Variants in SIGLEC6 observed in about 807,000 individuals in gnomAD.
SIGLEC6 encodes the protein sialic acid-binding Ig-like lectin 6.
Under a neutral mutation model 41.4 loss-of-function variants are expected in SIGLEC6, and 31 were observed. The observed-to-expected ratio is 0.75, with a 90% confidence interval of 0.56 to 1.01. SIGLEC6 has a LOEUF of 1.01. Among genes scored for constraint, SIGLEC6 ranks in the 50% least tolerant of loss-of-function variants. SIGLEC6 has a pLI of 0.00. For missense variants in SIGLEC6, 555 were observed against 558.6 expected, an observed-to-expected ratio of 0.99 and a Z score of 0.06; for synonymous variants, 217 against 231.0, an observed-to-expected ratio of 0.94 and a Z score of 0.55.
intron 7 of SIGLEC6, among the ~76,000 whole-genome samples, chr19:51,526,677 A>G (rs1979282753): frequency 6.6e-6 from 1 of 152,226 alleles, no homozygotes; most frequent in South Asian, 2.1e-4. Flanking sequence ...GTTCCCCAGC[A>G]AAAGTTCTTA....
At chr19:51,525,174 C>G (rs550312832) in intron 7 of SIGLEC6, among the ~76,000 whole-genome samples, 16 of 152,270 alleles carry the variant, frequency 1.1e-4, no homozygotes, top group African/African-American at 3.6e-4. Flanking sequence ...GATTGCATAC[C>G]TCACCTCTGC....
intron 7 of SIGLEC6, among the ~76,000 whole-genome samples, chr19:51,527,525 G>C (rs1476277798): frequency 6.6e-6 from 1 of 152,094 alleles, no homozygotes; most frequent in Admixed American, 6.5e-5. Flanking sequence ...ATTAACTGGA[G>C]TACGTATTTC....
intron 7 of SIGLEC6, among the ~76,000 whole-genome samples, chr19:51,523,009 G>A (rs1184028663): frequency 6.6e-6 from 1 of 152,030 alleles, no homozygotes; most frequent in African/African-American, 2.4e-5. Flanking sequence ...GCGCAGTGGT[G>A]CATGCCTGTA....
chr19:51,524,173 ACTCCAATTAAAAG>A (rs1300080363), intron 7 of SIGLEC6, among the ~76,000 whole-genome samples: 1 of 152,224 alleles, frequency 6.6e-6, no homozygotes, highest in African/African-American at 2.4e-5. Context: ...TGGTCTAAAC[ACTCCAATTAAAAG>A]GAAGATATTG....
chr19:51,523,704 G>C (rs1978689326), intron 7 of SIGLEC6, among the ~76,000 whole-genome samples: 1 of 152,156 alleles, frequency 6.6e-6, no homozygotes, highest in Non-Finnish European at 1.5e-5. Context: ...CTTCCGTTAG[G>C]ACTCAAGAAG....
intron 5 of SIGLEC6, chr19:51,529,406 C>T (rs1018621717): frequency 2.5e-5 from 10 of 399,436 alleles, no homozygotes; most frequent in African/African-American, 4.1e-5. Flanking sequence ...TGTTCTGGGC[C>T]TCAAAGCTGA....
In SIGLEC6 at chr19:51,530,859, C is replaced by G; in HGVS notation, c.528G>C (p.Thr176=). ...CTGACATCCAGGAGAAGATGGGGGG[C>G]GTCCCCTGCTCACAGACCCAGGGCA... ...CSVPWVCEQG[T]PPIFSWMSAA... Residue 176 remains threonine, a synonymous_variant, in exon 3 of 8, where the codon ACG becomes ACC. Transcript: ENST00000425629. The G allele has an allele frequency of 6.2e-7, 1 of 1,613,876 alleles. No individual in the cohort carries two copies. Among genetic ancestry groups the G allele is most frequent in the Non-Finnish European group, 8.5e-7 (1 of 1,179,984 alleles).
intron 5 of SIGLEC6, chr19:51,528,593 T>C (rs1404237201): frequency 8.4e-6 from 3 of 355,094 alleles, no homozygotes; most frequent in Non-Finnish European, 1.6e-5. Flanking sequence ...CATGACCTGA[T>C]TTGGAGAAGG....
Position 51,528,232 on chromosome 19 carries a change from C to G in SIGLEC6, c.1034G>C (p.Gly345Ala). 2 of 1,614,098 alleles carry G rather than the reference C, an allele frequency of 1.2e-6. No individual in the cohort carries two copies. Among genetic ancestry groups the G allele is most frequent in the Non-Finnish European group, 1.7e-6 (2 of 1,179,966 alleles). The change falls in exon 6 of 8, where the codon GGT becomes GCT. Residue 345 changes from glycine (G) to alanine (A), a missense_variant. Coordinates refer to ENST00000425629, the MANE Select transcript of SIGLEC6 (RefSeq NM_001245.7). The stretch of plus-strand genomic sequence containing the variant: ...TCCCCAGACTGCTCCCAGGACACCA[C>G]CAGCCCTGCCTTCTGGTTTCCCTAT... ...FVHWKPEGRAGGVLGAVWGAS... is the reference protein window; with the variant it reads ...FVHWKPEGRAAGVLGAVWGAS...
chr19:51,531,084 C>T (rs895437640), intron 2 of SIGLEC6, 76 bp downstream of exon 2: 15 of 1,550,992 alleles, frequency 9.7e-6, no homozygotes, highest in African/African-American at 2.8e-5. Context: ...CCTCCCAAGA[C>T]GGGGCTCCCG....
intron 7 of SIGLEC6, among the ~76,000 whole-genome samples, chr19:51,524,555 C>G (rs1435467342): frequency 6.6e-6 from 1 of 152,132 alleles, no homozygotes; most frequent in Non-Finnish European, 1.5e-5. Context: ...ATAACTTGAC[C>G]TGATTGACAT....
Position 51,520,034 on chromosome 19 carries a change from A to G in SIGLEC6, c.*48T>C. Reference sequence around the variant, plus strand: ...GGCAGCCCTAGTAACCAATACACTGAGAGGTACCATGTTCTCTCCAATCAA... The same window carrying G: ...GGCAGCCCTAGTAACCAATACACTGGGAGGTACCATGTTCTCTCCAATCAA... On this transcript the variant is annotated 3_prime_UTR_variant, in exon 8 of 8. Coordinates refer to ENST00000425629, the MANE Select transcript of SIGLEC6 (RefSeq NM_001245.7). The G allele has an allele frequency of 6.8e-7, 1 of 1,466,948 alleles. No homozygotes were observed. The allele number at this position is 1,466,948 out of a possible 1,614,324, so 90.9% of individuals were successfully genotyped here. A position where few individuals can be genotyped will look rare whatever the true frequency, so the allele number is the denominator to read the frequency against.
intron 7 of SIGLEC6, among the ~76,000 whole-genome samples, chr19:51,523,361 C>T (rs1978622048): frequency 6.6e-6 from 1 of 152,104 alleles, no homozygotes; most frequent in Admixed American, 6.6e-5. Flanking sequence ...CATTCTGACA[C>T]AGGTGCAACT....
At position 51,530,323 on chromosome 19, in the gene SIGLEC6, T is replaced by C. The variant is rs1001896938; in HGVS notation, c.754+114A>G. 5.2e-6 allele frequency: 5 copies of C among 964,362 alleles called. No homozygotes were observed. The Admixed American group carries it at 9.9e-5, about 19-fold the overall frequency. 59.7% of individuals were successfully genotyped at this position (964,362 alleles called of 1,614,324 possible). Reference sequence around the variant, plus strand: ...AGGCTGGGGGTGAGCAAAGATTCAGTCCAGGTCTTTGAAGTCTATGGAGGC... The same window carrying C: ...AGGCTGGGGGTGAGCAAAGATTCAGCCCAGGTCTTTGAAGTCTATGGAGGC... On this transcript the variant is annotated intron_variant, in intron 4 of 7. Coordinates refer to ENST00000425629, the MANE Select transcript of SIGLEC6 (RefSeq NM_001245.7).
At chr19:51,529,345 C>T (rs2122441157) in intron 5 of SIGLEC6, 1 of 240,270 alleles carries the variant, frequency 4.2e-6, no homozygotes, top group Non-Finnish European at 8.2e-6. Context: ...CAATTGTCAC[C>T]TCTTAGCAGA....
rs4802800 is a variant in SIGLEC6 at position 51,517,993 on chromosome 19, C to G, written c.*2089G>C. Reference sequence around the variant, plus strand: ...CCTCTACAAACCATCATTTTTACAACAAGTATTTGTTTCATTTTGCTCACA... The same window carrying G: ...CCTCTACAAACCATCATTTTTACAAGAAGTATTTGTTTCATTTTGCTCACA... On this transcript the variant is annotated 3_prime_UTR_variant, in exon 8 of 8. Transcript: ENST00000425629. Among the ~76,000 whole-genome samples, 88,281 of 151,444 alleles carry G rather than the reference C, an allele frequency of 0.58. 25,976 individuals carry two copies. Among genetic ancestry groups the G allele is most frequent in the Admixed American group, 0.65 (9,973 of 15,228 alleles).
chr19:51,525,286 C>T (rs572268881), intron 7 of SIGLEC6, among the ~76,000 whole-genome samples: 18 of 152,152 alleles, frequency 1.2e-4, no homozygotes, highest in Non-Finnish European at 2.4e-4. Flanking sequence ...TTCTCTGGGA[C>T]AGGGCTCCCA....
Position 51,531,359 on chromosome 19 carries a change from CA to C in SIGLEC6, c.227del (p.Val76GlyfsTer31). On this transcript the variant is annotated frameshift_variant, in exon 2 of 8. Transcript: ENST00000425629. LOFTEE classifies it high-confidence loss of function. ...CTTCTTCGTCTGGGTCGTTTGTGGC[CA>C]CTGGAACATCAGCCCCTTCCAGGAA... ...YWFLEGADVP[V>X]ATNDPDEEVQ... 6.2e-7 allele frequency: 1 copy of C among 1,614,148 alleles called. No individual in the cohort carries two copies. The highest frequency in any genetic ancestry group is 8.5e-7 in the Non-Finnish European group (1 of 1,180,006).
At chr19:51,525,870 G>T (rs1979143031) in intron 7 of SIGLEC6, among the ~76,000 whole-genome samples, 1 of 152,110 alleles carries the variant, frequency 6.6e-6, no homozygotes, top group African/African-American at 2.4e-5. Context: ...CAGCCCCTCT[G>T]CCATTGCTGC....
Sources: gnomAD v4.1 joint callset for allele counts (sites outside exome capture counted in the v4.1 genomes callset) on GRCh38, gnomAD v4.1.1 for gene constraint, MANE v1.5 for transcripts, NCBI Gene and HGNC (gene_info 2026-07-23, HGNC 2026-07-21) for gene names.